The following ODAD1 variants were observed in gnomAD, a reference collection of about 807,000 sequenced individuals.
The protein encoded by ODAD1 is outer dynein arm docking complex subunit 1, also known as outer dynein arm-docking complex subunit 1.
In ODAD1, 49 loss-of-function variants were observed where a neutral mutation model predicts 67.2. The observed-to-expected ratio is 0.73, with a 90% CI of 0.58 to 0.92. The LOEUF is 0.92. Ranked by LOEUF, ODAD1 falls within the 40% of genes least tolerant of loss-of-function variation. The pLI, the probability that ODAD1 is intolerant of heterozygous loss-of-function variation, is 0.00. For missense variants in ODAD1, 897 were observed against 953.7 expected (o/e 0.94, Z 0.78); for synonymous variants, 345 against 393.7 (o/e 0.88, Z 1.46).
At chr19:48,308,402 C>G (rs2147323933) in intron 7 of ODAD1, among the ~76,000 whole-genome samples, 1 of 152,278 alleles carries the variant, frequency 6.6e-6, no homozygotes, top group African/African-American at 2.4e-5. Context: ...TCTCGAACTC[C>G]TGACCTCAGG....
At chr19:48,317,771 C>T (rs910133227) in intron 5 of ODAD1, among the ~76,000 whole-genome samples, 3 of 151,738 alleles carry the variant, frequency 2.0e-5, no homozygotes, top group East Asian at 1.9e-4. Context: ...CTCTGCCCCC[C>T]GGGTTTAAAC....
chr19:48,308,530 A>T (rs1968677180), intron 7 of ODAD1, among the ~76,000 whole-genome samples: 1 of 152,218 alleles, frequency 6.6e-6, no homozygotes, highest in South Asian at 2.1e-4. Flanking sequence ...GAAATGACAG[A>T]GTCTTTTAAA....
chr19:48,310,247 A>G (rs1362027415), intron 7 of ODAD1, among the ~76,000 whole-genome samples: 1 of 152,122 alleles, frequency 6.6e-6, no homozygotes, highest in African/African-American at 2.4e-5. Flanking sequence ...AAAAGAAAAA[A>G]AAGACCAGAT....
chr19:48,321,858 A>C lies in ODAD1; in HGVS notation c.-244T>G, dbSNP rs1170963122. On this transcript the variant is annotated 5_prime_UTR_variant, in exon 1 of 16. Coordinates refer to ENST00000674294, the MANE Select transcript of ODAD1 (RefSeq NM_001364171.2). ...GGTGTCGAAGCCGGGAGTTGCGCGG[A>C]GAAGGAGCGCTCAACACAGCCTCAG... is the stretch of plus-strand genomic sequence containing the variant. The C allele has an allele frequency of 2.5e-6, 1 of 398,472 alleles. No homozygotes were observed. The highest frequency in any genetic ancestry group is 2.1e-5 in the African/African-American group (1 of 48,654). 24.7% of individuals were successfully genotyped at this position (398,472 alleles called of 1,614,324 possible).
rs1968286030 is a variant in ODAD1 at position 48,296,576 on chromosome 19, C to T, written c.*400G>A. The T allele has an allele frequency of 4.9e-6, 1 of 202,506 alleles. No homozygotes were observed. Among genetic ancestry groups the T allele is most frequent in the Non-Finnish European group, 9.5e-6 (1 of 105,180 alleles). The allele number at this position is 202,506 out of a possible 1,614,324, so 12.5% of individuals were successfully genotyped here. ...TGGGGGGCTCTTGGGGAGTAAGGAGCTACAGAGACAGGGACACAGGATGCG... is the reference window on the plus strand; with the variant it reads ...TGGGGGGCTCTTGGGGAGTAAGGAGTTACAGAGACAGGGACACAGGATGCG... On this transcript the variant is annotated 3_prime_UTR_variant, in exon 16 of 16. Coordinates refer to ENST00000674294, the MANE Select transcript of ODAD1 (RefSeq NM_001364171.2).
At chr19:48,316,755 T>A (rs1968908669) in intron 5 of ODAD1, among the ~76,000 whole-genome samples, 1 of 152,138 alleles carries the variant, frequency 6.6e-6, no homozygotes, top group Non-Finnish European at 1.5e-5. Flanking sequence ...CCCAGCACTT[T>A]GGGAGGCCAC....
rs774088366 is a variant in ODAD1 at position 48,303,049 on chromosome 19, G to C, written c.1035C>G (p.Asn345Lys). Residue 345 changes from asparagine (N) to lysine (K), a missense_variant, in exon 11 of 16, where the codon AAC becomes AAG. Asn to Lys is a moderately conservative substitution (Grantham distance 94). Coordinates refer to ENST00000674294, the MANE Select transcript of ODAD1 (RefSeq NM_001364171.2). ...CTTCCTGCACATGCTCCAGCTCCAA[G>C]TTCTGCTCGTTGATGAAGTTGAACT... ...FAEFNFINEQ[N>K]LELEHVQEEI... 1.2e-6 allele frequency: 2 copies of C among 1,614,136 alleles called. No individual in the cohort carries two copies. Among genetic ancestry groups the C allele is most frequent in the South Asian group, 1.1e-5 (1 of 91,088 alleles).
In ODAD1 at chr19:48,297,572, C is replaced by T. The variant is rs1005303339; in HGVS notation, c.1581+18G>A. On this transcript the variant is annotated intron_variant, in intron 15 of 15. Transcript: ENST00000674294. ...ACACACTGAGGCCTGGCCCCACCCC[C>T]GCAGGCCCCACTCTCACCAGCTTCT... is the stretch of plus-strand genomic sequence containing the variant. 7.0e-6 allele frequency: 11 copies of T among 1,575,644 alleles called. No homozygotes were observed. Among genetic ancestry groups the T allele is most frequent in the African/African-American group, 2.7e-5 (2 of 73,516 alleles).
At chr19:48,298,468 T>A in intron 12 of ODAD1, 128 bp from the exon 13 acceptor site, 1 of 896,826 alleles carries the variant, frequency 1.1e-6, no homozygotes, top group Non-Finnish European at 1.7e-6. Context: ...CAAAAGGGAG[T>A]CACCCGAGCT....
At position 48,303,791 on chromosome 19, in the gene ODAD1, G is replaced by T. The variant is rs768968498; in HGVS notation, c.854-7C>A. 2 of 1,604,208 alleles carry T rather than the reference G, an allele frequency of 1.2e-6. No homozygotes were observed. The highest frequency in any genetic ancestry group is 1.7e-6 in the Non-Finnish European group (2 of 1,174,952). The stretch of plus-strand genomic sequence containing the variant: ...CCCTCGGCCACCTCCCCGGCTAGGG[G>T]AAGAGAGAACAGCAGGTCGGCCTCC... On this transcript the variant is annotated splice_polypyrimidine_tract_variant and splice_region_variant and intron_variant, in intron 9 of 15. Transcript: ENST00000674294.
In ODAD1 at chr19:48,296,857, A is replaced by T; in HGVS notation, c.*119T>A. On this transcript the variant is annotated 3_prime_UTR_variant, in exon 16 of 16. Coordinates refer to ENST00000674294, the MANE Select transcript of ODAD1 (RefSeq NM_001364171.2). ...TGAAAACAGTTGAAGGGGCAAAAAGACAGAGGCCTGCCACTGGGAGAAAAA... is the reference window on the plus strand; with the variant it reads ...TGAAAACAGTTGAAGGGGCAAAAAGTCAGAGGCCTGCCACTGGGAGAAAAA... 2 of 1,435,688 alleles carry T rather than the reference A, an allele frequency of 1.4e-6. No individual in the cohort carries two copies. The allele number at this position is 1,435,688 out of a possible 1,614,324, so 88.9% of individuals were successfully genotyped here. A position where few individuals can be genotyped will look rare whatever the true frequency, so the allele number is the denominator to read the frequency against.
At position 48,297,053 on chromosome 19, in the gene ODAD1, T is replaced by C. The variant is rs754221492; in HGVS notation, c.2047A>G (p.Arg683Gly). The C allele has an allele frequency of 1.4e-5, 22 of 1,612,716 alleles. No homozygotes were observed. The African/African-American group carries it at 2.5e-4, about 19-fold the overall frequency. Residue 683 changes from arginine to glycine, a missense_variant, in exon 16 of 16, where the codon AGA (arginine) becomes GGA (glycine). Physicochemically the swap from Arg to Gly is moderately radical, Grantham distance 125. Coordinates refer to ENST00000674294, the MANE Select transcript of ODAD1 (RefSeq NM_001364171.2). ...SDSSGGLGSS[R>G]DHVSSTGPAS... ...GGGCCGGTGCTGGAGACGTGGTCTC[T>C]GCTGGACCCGAGGCCTCCGCTCGAA...
At chr19:48,321,634 T>G (rs1600878745) in intron 1 of ODAD1, 44 bp downstream of exon 1, 1 of 377,106 alleles carries the variant, frequency 2.7e-6, no homozygotes, top group African/African-American at 2.1e-5. Context: ...CTGCGGGAGG[T>G]CGAAATGGTC....
intron 3 of ODAD1, chr19:48,319,957 C>G: frequency 1.2e-6 from 1 of 804,268 alleles, no homozygotes; most frequent in Non-Finnish European, 1.5e-6. Context: ...AAGAATTATC[C>G]CACCCCAAGA....
At chr19:48,305,831 C>T (rs1968593825) in intron 8 of ODAD1, among the ~76,000 whole-genome samples, 1 of 151,662 alleles carries the variant, frequency 6.6e-6, no homozygotes, top group Non-Finnish European at 1.5e-5. Context: ...GAGGCAGAGG[C>T]GGGTAGATCA....
intron 4 of ODAD1, 47 bp from the exon 5 acceptor site, chr19:48,318,623 T>C: frequency 6.5e-7 from 1 of 1,542,792 alleles, no homozygotes; most frequent in Non-Finnish European, 8.8e-7. Context: ...GGGGCAGAAC[T>C]CAGCATCACT....
In ODAD1 at chr19:48,312,112, T is replaced by C; in HGVS notation, c.365A>G (p.Gln122Arg). 5.2e-6 allele frequency: 8 copies of C among 1,551,200 alleles called. No individual in the cohort carries two copies. The highest frequency in any genetic ancestry group is 7.0e-6 in the Non-Finnish European group (8 of 1,146,266). The part of the protein sequence containing the change: ...EQTRALDKQI[Q>R]EWETRIFTHS... ...GGTAAAGATCCGCGTCTCCCACTCCTGGATCTACAAGAAAGAGGATGGTAC... is the reference window on the plus strand; with the variant it reads ...GGTAAAGATCCGCGTCTCCCACTCCCGGATCTACAAGAAAGAGGATGGTAC... Residue 122 changes from glutamine (Q) to arginine (R), a missense_variant, in exon 6 of 16, where the codon CAG becomes CGG. Coordinates refer to ENST00000674294, the MANE Select transcript of ODAD1 (RefSeq NM_001364171.2).
At chr19:48,317,194 T>A (rs1486806268) in intron 5 of ODAD1, among the ~76,000 whole-genome samples, 2 of 150,622 alleles carry the variant, frequency 1.3e-5, no homozygotes, top group East Asian at 3.9e-4. Context: ...GCAGAATGAA[T>A]CCCACATTAA....
intron 8 of ODAD1, among the ~76,000 whole-genome samples, chr19:48,305,330 C>T (rs953592858): frequency 6.6e-6 from 1 of 152,124 alleles, no homozygotes; most frequent in African/African-American, 2.4e-5. Flanking sequence ...TCCCTTGCAA[C>T]CAATGCTGAC....
Sources: allele counts gnomAD v4.1 joint callset (sites outside exome capture counted in the v4.1 genomes callset), GRCh38; gene constraint gnomAD v4.1.1; transcripts MANE v1.5; gene names NCBI Gene and HGNC (gene_info 2026-07-23, HGNC 2026-07-21).